The following CCDC191 variants were observed in gnomAD, a reference collection of about 807,000 sequenced individuals.
CCDC191 encodes coiled-coil domain-containing protein 191.
Under a neutral mutation model 114.0 loss-of-function variants are expected in CCDC191, and 99 were observed. The observed-to-expected ratio is 0.87, with a 90% confidence interval of 0.74 to 1.03. The LOEUF (loss-of-function observed/expected upper bound fraction) is 1.03. Ranked by LOEUF, CCDC191 falls within the 50% of genes least tolerant of loss-of-function variation. CCDC191 has a pLI of 0.00. For synonymous variants in CCDC191, 351 were observed against 376.0 expected, an observed-to-expected ratio of 0.93 and a Z score of 0.77; for missense variants, 973 against 1,087.0, an observed-to-expected ratio of 0.90 and a Z score of 1.47.
chr3:114,053,224 G>A (rs930086333), intron 2 of CCDC191, among the ~76,000 whole-genome samples: 6 of 152,322 alleles, frequency 3.9e-5, no homozygotes, highest in East Asian at 1.9e-4. Flanking sequence ...TGATGCACAC[G>A]TAGTTTTCAC....
chr3:114,042,947 G>A (rs1429642047), intron 3 of CCDC191, 101 bp from the exon 4 acceptor site: 21 of 1,116,528 alleles, frequency 1.9e-5, no homozygotes, highest in East Asian at 2.7e-5. Context: ...AGTACCTATC[G>A]TGTCAAGTAC....
In CCDC191 at chr3:114,014,607, G is replaced by C. The variant is rs909466359; in HGVS notation, c.1164-3586C>G. ...CCTACGCAAGACTGCCTATGTACTA[G>C]TTTACTAGTTCTTATCCAAATTAAA... On this transcript the variant is annotated intron_variant, in intron 8 of 16. Transcript: ENST00000295878. Among the ~76,000 whole-genome samples the C allele has an allele frequency of 6.6e-5, 10 of 152,240 alleles. No individual in the cohort carries two copies. The East Asian group carries it at 1.9e-3, about 29-fold the overall frequency.
intron 11 of CCDC191, chr3:114,003,842 A>C (rs1559899639): frequency 3.0e-6 from 3 of 985,332 alleles, no homozygotes; most frequent in African/African-American, 1.7e-5. Context: ...TACAAACCAC[A>C]ATATAATTGT....
At chr3:113,980,384 A>G (rs2075103668) in intron 14 of CCDC191, among the ~76,000 whole-genome samples, 3 of 152,196 alleles carry the variant, frequency 2.0e-5, no homozygotes, top group Admixed American at 2.0e-4. Flanking sequence ...ACTCAAACTG[A>G]GAGAAGCTTC....
At chr3:113,996,098 C>A (rs2075714433) in intron 13 of CCDC191, among the ~76,000 whole-genome samples, 1 of 152,076 alleles carries the variant, frequency 6.6e-6, no homozygotes, top group African/African-American at 2.4e-5. Flanking sequence ...ATGATAGTTT[C>A]TTTTGCTGTG....
chr3:114,042,561 A>G (rs1192017736), intron 4 of CCDC191, 142 bp downstream of exon 4: 2 of 584,526 alleles, frequency 3.4e-6, no homozygotes, highest in Non-Finnish European at 5.5e-6. Flanking sequence ...ACATTTAACC[A>G]TGATAAATTA....
At chr3:113,994,731 A>G (rs888657417) in intron 13 of CCDC191, among the ~76,000 whole-genome samples, 5 of 151,926 alleles carry the variant, frequency 3.3e-5, no homozygotes, top group Non-Finnish European at 7.4e-5. Flanking sequence ...CTACAGGTGC[A>G]TGTCACCACA....
chr3:114,048,594 C>T (rs78119372), intron 2 of CCDC191, among the ~76,000 whole-genome samples: 4,794 of 152,192 alleles, frequency 0.031, 234 homozygotes, highest in African/African-American at 0.11. Flanking sequence ...CCTACAGATA[C>T]GCATAGGCAT....
chr3:114,050,120 T>C (rs985987902), intron 2 of CCDC191, among the ~76,000 whole-genome samples: 7 of 152,248 alleles, frequency 4.6e-5, no homozygotes, highest in Non-Finnish European at 1.0e-4. Context: ...AACTATGTTA[T>C]ATATAAACAT....
intron 13 of CCDC191, among the ~76,000 whole-genome samples, chr3:113,986,434 A>G (rs1231174888): frequency 6.6e-6 from 1 of 152,232 alleles, no homozygotes; most frequent in Non-Finnish European, 1.5e-5. Context: ...CATATTCCAA[A>G]ATCAGTAACA....
chr3:113,968,459 C>G lies in CCDC191; in HGVS notation c.2607-3100G>C, dbSNP rs192308956. 1.0e-3 allele frequency among the ~76,000 whole-genome samples: 153 copies of G among 151,870 alleles called. 3 individuals are homozygous for G. In the East Asian group the frequency reaches 0.015, roughly 15 times the overall value. The stretch of plus-strand genomic sequence containing the variant: ...GAAATGTCTATTTAGATCTTCCCCC[C>G]CCTTTTTTTTTTAGGGCGTCACTCT... On this transcript the variant is annotated intron_variant, in intron 16 of 16. Coordinates refer to ENST00000295878, the MANE Select transcript of CCDC191 (RefSeq NM_020817.2).
intron 13 of CCDC191, among the ~76,000 whole-genome samples, chr3:113,981,244 A>T (rs1303217435): frequency 1.3e-5 from 2 of 152,308 alleles, no homozygotes; most frequent in East Asian, 3.9e-4. Context: ...AGTGAAGAAC[A>T]ATAAGTCCAG....
At chr3:113,998,519 C>CA in intron 13 of CCDC191, among the ~76,000 whole-genome samples, 1 of 152,044 alleles carries the variant, frequency 6.6e-6, no homozygotes, top group East Asian at 1.9e-4. Context: ...GGCTCATAAA[C>CA]AAAATGGCCA....
chr3:114,056,344 T>C (rs550146685), intron 1 of CCDC191, 33 bp downstream of exon 1: 2 of 1,607,476 alleles, frequency 1.2e-6, no homozygotes, highest in South Asian at 2.2e-5. Context: ...CTTGGGAAAG[T>C]CCCCGCCCTC....
intron 5 of CCDC191, 55 bp from the exon 6 acceptor site, chr3:114,035,203 G>T: frequency 7.7e-7 from 1 of 1,302,166 alleles, no homozygotes; most frequent in Non-Finnish European, 1.1e-6. Context: ...AAAGGGATAT[G>T]AAAAGCCTTA....
At chr3:114,020,291 A>C (rs2076225011) in intron 7 of CCDC191, among the ~76,000 whole-genome samples, 1 of 152,062 alleles carries the variant, frequency 6.6e-6, no homozygotes, top group Admixed American at 6.6e-5. Context: ...AAGACCAATA[A>C]CATAAGAGAG....
At position 113,965,052 on chromosome 3, in the gene CCDC191, T is replaced by G; in HGVS notation, c.*103A>C. The stretch of plus-strand genomic sequence containing the variant: ...TTCCTTTGATCTAAGAAGTAGCTCG[T>G]AGAGAATAAACCAGGTGTATGTATG... On this transcript the variant is annotated 3_prime_UTR_variant, in exon 17 of 17. Coordinates refer to ENST00000295878, the MANE Select transcript of CCDC191 (RefSeq NM_020817.2). 1.7e-6 allele frequency: 1 copy of G among 599,278 alleles called. No individual in the cohort carries two copies. The highest frequency in any genetic ancestry group is 2.8e-6 in the Non-Finnish European group (1 of 359,804). 37.1% of individuals were successfully genotyped at this position (599,278 alleles called of 1,614,324 possible).
intron 9 of CCDC191, among the ~76,000 whole-genome samples, chr3:114,006,619 A>ATATATATATATATATATATATAT (rs1559903359): frequency 1.1e-4 from 10 of 92,514 alleles, no homozygotes; most frequent in African/African-American, 3.3e-4. Context: ...TATATATATA[A>ATATATATATATATATATATATAT]ATATATATAT....
At chr3:114,050,902 G>A (rs772912097) in intron 2 of CCDC191, among the ~76,000 whole-genome samples, 7 of 152,154 alleles carry the variant, frequency 4.6e-5, no homozygotes, top group Non-Finnish European at 8.8e-5. Flanking sequence ...ATCAAGATGA[G>A]GATAAATTGT....
Sources: gnomAD v4.1 joint callset for allele counts (sites outside exome capture counted in the v4.1 genomes callset) on GRCh38, gnomAD v4.1.1 for gene constraint, MANE v1.5 for transcripts, NCBI Gene and HGNC (gene_info 2026-07-23, HGNC 2026-07-21) for gene names.